The following RBM20 variants were observed in gnomAD, a reference collection of about 807,000 sequenced individuals.
RBM20 encodes RNA binding motif protein 20.
RBM20 carries 51 observed loss-of-function variants against 110.1 expected under a neutral mutation model. That is an observed-to-expected ratio of 0.46 (90% CI 0.37 to 0.59). The LOEUF (loss-of-function observed/expected upper bound fraction) is 0.59, where lower values mean the gene tolerates loss of function less well. RBM20 is among the 20% of genes least tolerant of loss of function. The pLI is 0.00. For synonymous variants in RBM20, 589 were observed against 618.2 expected (o/e 0.95, Z 0.70); for missense variants, 1,512 against 1,574.9 (o/e 0.96, Z 0.68).
At chr10:110,727,399 C>CAAAAATAAAAAT (rs1554893376) in intron 1 of RBM20, among the ~76,000 whole-genome samples, 1 of 83,240 alleles carries the variant, frequency 1.2e-5, no homozygotes, top group Non-Finnish European at 2.3e-5. Flanking sequence ...AAGTCCGTCT[C>CAAAAATAAAAAT]AAAAAATAAA....
intron 1 of RBM20, among the ~76,000 whole-genome samples, chr10:110,707,739 T>C (rs759050327): frequency 1.3e-5 from 2 of 152,146 alleles, no homozygotes; most frequent in Non-Finnish European, 2.9e-5. Flanking sequence ...AGTAAAATGA[T>C]GGTTACCAGA....
chr10:110,808,318 A>G (rs1327949404), intron 7 of RBM20, among the ~76,000 whole-genome samples: 1 of 152,224 alleles, frequency 6.6e-6, no homozygotes, highest in African/African-American at 2.4e-5. Flanking sequence ...CTTGGCTTCT[A>G]TCCTTGTTTG....
intron 1 of RBM20, among the ~76,000 whole-genome samples, chr10:110,778,643 G>A (rs192448079): frequency 7.9e-5 from 12 of 152,312 alleles, no homozygotes; most frequent in African/African-American, 2.6e-4. Context: ...CAGTTTTCCA[G>A]TCCCCTTCTT....
intron 8 of RBM20, 61 bp from the exon 9 acceptor site, chr10:110,812,217 G>C: frequency 7.2e-7 from 1 of 1,394,468 alleles, no homozygotes; most frequent in Non-Finnish European, 9.7e-7. Flanking sequence ...GTGTCTGTGT[G>C]TGGGTGGGGT....
chr10:110,737,680 A>C (rs371702452), intron 1 of RBM20, among the ~76,000 whole-genome samples: 1 of 151,290 alleles, frequency 6.6e-6, no homozygotes, highest in Admixed American at 6.6e-5. Context: ...TTTGTGCCTA[A>C]GTTTCTTTTA....
chr10:110,758,565 T>C (rs578225496), intron 1 of RBM20, among the ~76,000 whole-genome samples: 1 of 152,150 alleles, frequency 6.6e-6, no homozygotes, highest in East Asian at 1.9e-4. Context: ...AAGATGACAG[T>C]AGCACTGGGA....
chr10:110,643,889 G>A (rs1001261201), upstream of RBM20, among the ~76,000 whole-genome samples: 3 of 152,204 alleles, frequency 2.0e-5, no homozygotes, highest in South Asian at 4.1e-4. Flanking sequence ...CACTTTGCAC[G>A]GGCGATGCGC....
intron 1 of RBM20, among the ~76,000 whole-genome samples, chr10:110,675,079 A>G (rs957368011): frequency 2.3e-4 from 15 of 66,162 alleles, no homozygotes; most frequent in Non-Finnish European, 5.0e-4. Context: ...GGTGGACTGC[A>G]ATTTGTCTGG....
At chr10:110,671,743 A>ATG (rs1024849569) in intron 1 of RBM20, among the ~76,000 whole-genome samples, 12 of 152,228 alleles carry the variant, frequency 7.9e-5, no homozygotes, top group African/African-American at 2.9e-4. Flanking sequence ...TAAGATATAT[A>ATG]TATATATGTA....
chr10:110,698,066 C>T (rs941997761), intron 1 of RBM20, among the ~76,000 whole-genome samples: 3 of 152,100 alleles, frequency 2.0e-5, no homozygotes, highest in Admixed American at 2.0e-4. Flanking sequence ...CACCAACACG[C>T]CCGGCTAATT....
rs1861841530 is a variant in RBM20 at position 110,644,605 on chromosome 10, C to T, written c.151C>T (p.Pro51Ser). Reference sequence around the variant, plus strand: ...GCAGCCGCCGCCGCCGCCCCAGCCACCGCCCCCGCCCCAAGCCGGCCTACC... The same window carrying T: ...GCAGCCGCCGCCGCCGCCCCAGCCATCGCCCCCGCCCCAAGCCGGCCTACC... ...MQQPPPPPQP[P>S]PPPQAGLPQI... Residue 51 changes from proline to serine, a missense_variant, in exon 1 of 14, where the codon CCG (proline) becomes TCG (serine). Physicochemically the swap from Pro to Ser is moderately conservative, Grantham distance 74 (BLOSUM62 -1). Coordinates refer to ENST00000369519, the MANE Select transcript of RBM20 (RefSeq NM_001134363.3). This position sits in a 1 kb window ranked among gnomAD's most constrained non-coding sequence, Gnocchi z 4.3. 1 of 1,519,434 alleles carries T rather than the reference C, an allele frequency of 6.6e-7. No homozygotes were observed. Among genetic ancestry groups the T allele is most frequent in the South Asian group, 1.2e-5 (1 of 81,736 alleles). The allele number at this position is 1,519,434 out of a possible 1,614,324, so 94.1% of individuals were successfully genotyped here.
chr10:110,659,834 A>ACTT lies in RBM20; in HGVS notation c.191+15203_191+15205dup, dbSNP rs1181528949. On this transcript the variant is annotated intron_variant, in intron 1 of 13. Coordinates refer to ENST00000369519, the MANE Select transcript of RBM20 (RefSeq NM_001134363.3). ...TTCCTCTTCTTCCTCTTCCTCTTCCACTTCTTCTTCTTCTTCCTCTTCTTT... is the reference window on the plus strand; with the variant it reads ...TTCCTCTTCTTCCTCTTCCTCTTCCACTTCTTCTTCTTCTTCTTCCTCTTCTTT... Among the ~76,000 whole-genome samples, 79 of 91,434 alleles carry ACTT rather than the reference A, an allele frequency of 8.6e-4. 1 individual carries two copies. Among genetic ancestry groups the ACTT allele is most frequent in the Non-Finnish European group, 8.1e-4 (36 of 44,666 alleles). The allele number at this position is 91,434 out of a possible 152,430, so 60.0% of individuals were successfully genotyped here. A position where few individuals can be genotyped will look rare whatever the true frequency, so the allele number is the denominator to read the frequency against.
At chr10:110,832,766 C>A (rs1386442467) in intron 13 of RBM20, among the ~76,000 whole-genome samples, 3 of 152,190 alleles carry the variant, frequency 2.0e-5, no homozygotes, top group Non-Finnish European at 2.9e-5. Flanking sequence ...AGAGAAGTAT[C>A]ATAGGCTATG....
chr10:110,791,450 G>T (rs11195325), intron 5 of RBM20, among the ~76,000 whole-genome samples: 26,133 of 152,080 alleles, frequency 0.17, 2,759 homozygotes, highest in East Asian at 0.53. Context: ...ATATTTTTAC[G>T]GCAACTCTAA....
At chr10:110,647,128 C>G (rs952944664) in intron 1 of RBM20, among the ~76,000 whole-genome samples, 1 of 152,084 alleles carries the variant, frequency 6.6e-6, no homozygotes, top group Non-Finnish European at 1.5e-5. Flanking sequence ...TATTTTAGAT[C>G]AAAGTCAATG....
Position 110,756,127 on chromosome 10 carries a change from G to T in RBM20, c.192-24674G>T, listed in dbSNP as rs12245765. On this transcript the variant is annotated intron_variant, in intron 1 of 13. Transcript: ENST00000369519. ...CCAGGTTTGTGAGTCCCATCTTTGG[G>T]CTCCCCTCAACATCACGATTTAGCC... Among the ~76,000 whole-genome samples, 1,510 of 152,286 alleles carry T rather than the reference G, an allele frequency of 9.9e-3. 24 individuals carry two copies. The highest frequency in any genetic ancestry group is 0.034 in the African/African-American group (1,428 of 41,554).
At chr10:110,722,016 C>T (rs1189600889) in intron 1 of RBM20, among the ~76,000 whole-genome samples, 1 of 152,076 alleles carries the variant, frequency 6.6e-6, no homozygotes, top group Non-Finnish European at 1.5e-5. Context: ...TGTCTCTGCC[C>T]CTGCCTTTTC....
intron 12 of RBM20, among the ~76,000 whole-genome samples, chr10:110,827,582 C>T (rs955012665): frequency 2.6e-5 from 4 of 152,146 alleles, no homozygotes; most frequent in Non-Finnish European, 5.9e-5. Flanking sequence ...GGCTGGATGA[C>T]AAAGAGCAAC....
At chr10:110,767,492 C>T (rs12769789) in intron 1 of RBM20, among the ~76,000 whole-genome samples, 3,940 of 147,020 alleles carry the variant, frequency 0.027, 59 homozygotes, top group East Asian at 0.049. Flanking sequence ...ACTTCTCAGA[C>T]GGGGCGGCTG....
Sources: allele counts gnomAD v4.1 joint callset (sites outside exome capture counted in the v4.1 genomes callset), GRCh38; gene constraint gnomAD v4.1.1; non-coding constraint Gnocchi (gnomAD v3.1); transcripts MANE v1.5; gene names NCBI Gene and HGNC (gene_info 2026-07-23, HGNC 2026-07-21).